FOCAD: variants seen among roughly 807,000 people sequenced by gnomAD.
FOCAD encodes focadhesin, also known as KIAA1797.
FOCAD carries 198 observed loss-of-function variants against 225.6 expected under a neutral mutation model. That is an observed-to-expected ratio of 0.88 (90% CI 0.78 to 0.99). The LOEUF (loss-of-function observed/expected upper bound fraction) is 0.99, where lower values mean the gene tolerates loss of function less well. Among genes scored for constraint, FOCAD ranks in the 50% least tolerant of loss-of-function variants. The pLI is 0.00. For missense variants in FOCAD, 2,713 were observed against 2,123.6 expected, an observed-to-expected ratio of 1.28 and a Z score of -5.46; for synonymous variants, 897 against 755.0, an observed-to-expected ratio of 1.19 and a Z score of -3.08.
intron 4 of FOCAD, among the ~76,000 whole-genome samples, chr9:20,721,606 G>GCGTGAGAATCACTTGAACC (rs1488346010): frequency 6.6e-6 from 1 of 151,962 alleles, no homozygotes; most frequent in Admixed American, 6.6e-5. Flanking sequence ...GGAGACTAAG[G>GCGTGAGAATCACTTGAACC]CGTGAGAATC....
rs1459282226 is a variant in FOCAD, at chr9:20,722,497, ATGTGCCTATG to A, written c.287+1968_287+1977del. Among the ~76,000 whole-genome samples the A allele has an allele frequency of 2.6e-5, 4 of 152,282 alleles. No homozygotes were observed. In the East Asian group the frequency reaches 7.7e-4, roughly 29 times the overall value. ...GCTGCGCTAATTGTTGTTTCACAGT[ATGTGCCTATG>A]TGTGTTATTTTTAAACCTGTATTTT... On this transcript the variant is annotated intron_variant, in intron 4 of 43. Transcript: ENST00000338382.
chr9:20,667,041 T>C (rs1821918929), intron 2 of FOCAD, among the ~76,000 whole-genome samples: 1 of 152,352 alleles, frequency 6.6e-6, no homozygotes, highest in Non-Finnish European at 1.5e-5. Context: ...AAATTTGAAG[T>C]CACTTTGTAT....
intron 19 of FOCAD, among the ~76,000 whole-genome samples, chr9:20,877,952 T>G (rs1445849377): frequency 6.6e-6 from 1 of 152,122 alleles, no homozygotes; most frequent in Non-Finnish European, 1.5e-5. Flanking sequence ...TACCACTCTT[T>G]ATGCAGTCAC....
At chr9:20,796,751 C>T (rs1264564275) in intron 11 of FOCAD, among the ~76,000 whole-genome samples, 1 of 152,012 alleles carries the variant, frequency 6.6e-6, no homozygotes, top group African/African-American at 2.4e-5. Flanking sequence ...AAATTTTTCT[C>T]CCATTCTGTA....
At chr9:20,835,141 A>G (rs990620781) in intron 15 of FOCAD, among the ~76,000 whole-genome samples, 1 of 152,072 alleles carries the variant, frequency 6.6e-6, no homozygotes, top group South Asian at 2.1e-4. Flanking sequence ...TACAATTAAG[A>G]TCTGTTCTTT....
At chr9:20,942,736 A>G (rs573465724) in intron 28 of FOCAD, among the ~76,000 whole-genome samples, 1 of 152,320 alleles carries the variant, frequency 6.6e-6, no homozygotes, top group South Asian at 2.1e-4. Flanking sequence ...TGGTAGGGAA[A>G]AAAACAGAAA....
At chr9:20,971,780 G>A (rs893186057) in intron 35 of FOCAD, among the ~76,000 whole-genome samples, 1 of 151,460 alleles carries the variant, frequency 6.6e-6, no homozygotes, top group African/African-American at 2.4e-5. Flanking sequence ...CCTATCCCCT[G>A]GTAACCACCA....
chr9:20,955,336 A>C (rs1334058199), intron 35 of FOCAD, among the ~76,000 whole-genome samples: 1 of 152,086 alleles, frequency 6.6e-6, no homozygotes, highest in Non-Finnish European at 1.5e-5. Flanking sequence ...GAATCTGTTA[A>C]TCTGTTTTCT....
At chr9:20,771,760 A>G (rs1005734531) in intron 8 of FOCAD, among the ~76,000 whole-genome samples, 1 of 152,208 alleles carries the variant, frequency 6.6e-6, no homozygotes, top group Non-Finnish European at 1.5e-5. Context: ...GTCTCAAAAT[A>G]CATAAATAAA....
At chr9:20,731,899 G>C (rs1237251570) in intron 4 of FOCAD, among the ~76,000 whole-genome samples, 1 of 152,170 alleles carries the variant, frequency 6.6e-6, no homozygotes, top group African/African-American at 2.4e-5. Context: ...TTACAGGTGT[G>C]AGCCACTATA....
At chr9:20,945,068 T>C (rs1837048364) in intron 29 of FOCAD, among the ~76,000 whole-genome samples, 1 of 152,230 alleles carries the variant, frequency 6.6e-6, no homozygotes, top group African/African-American at 2.4e-5. Flanking sequence ...TGGAAGAAGG[T>C]TAAATCGAGA....
chr9:20,705,946 TTTTTTTTA>T (rs1460532961), intron 1 of FOCAD, among the ~76,000 whole-genome samples: 2 of 135,132 alleles, frequency 1.5e-5, no homozygotes, highest in African/African-American at 6.8e-5. Context: ...TTTTTTTTTT[TTTTTTTTA>T]AACAGTGGCT....
intron 5 of FOCAD, among the ~76,000 whole-genome samples, chr9:20,750,175 G>A (rs1448272968): frequency 1.3e-5 from 2 of 152,102 alleles, no homozygotes; most frequent in African/African-American, 2.4e-5. Flanking sequence ...TGTTTATTCT[G>A]TCATTTGCAA....
chr9:20,927,036 AT>A (rs1835022972), intron 26 of FOCAD, among the ~76,000 whole-genome samples: 1 of 151,398 alleles, frequency 6.6e-6, no homozygotes, highest in Non-Finnish European at 1.5e-5. Flanking sequence ...ATATATATAT[AT>A]AAAAGAAATA....
At chr9:20,670,337 A>G (rs1822022543) in intron 2 of FOCAD, among the ~76,000 whole-genome samples, 1 of 152,220 alleles carries the variant, frequency 6.6e-6, no homozygotes, top group African/African-American at 2.4e-5. Flanking sequence ...TATCTCTTGA[A>G]TTAGTCTGTT....
At position 20,981,627 on chromosome 9, in the gene FOCAD, T is replaced by C. The variant is rs931954541; in HGVS notation, c.4579T>C (p.Trp1527Arg). The part of the protein sequence containing the change: ...MKLPSPAHHL[W>R]SLLSEATGKI... ...ACTGCCCAGCCCTGCCCACCACCTC[T>C]GGAGTCTGCTCTCTGAAGCTACTGG... Residue 1527 changes from tryptophan to arginine, a missense_variant, in exon 38 of 44, where the codon TGG becomes CGG. Transcript: ENST00000338382. 2.5e-6 allele frequency: 4 copies of C among 1,613,946 alleles called. No individual in the cohort carries two copies. The highest frequency in any genetic ancestry group is 2.7e-5 in the African/African-American group (2 of 74,928).
chr9:20,806,066 A>G (rs954400236), intron 11 of FOCAD, among the ~76,000 whole-genome samples: 1 of 152,166 alleles, frequency 6.6e-6, no homozygotes, highest in African/African-American at 2.4e-5. Context: ...GTACCCAGAC[A>G]TTTAGCATTT....
chr9:20,825,897 C>A (rs971256469), intron 15 of FOCAD, among the ~76,000 whole-genome samples: 10 of 152,010 alleles, frequency 6.6e-5, no homozygotes, highest in Middle Eastern at 3.2e-3. Context: ...TGCTACTTTG[C>A]TGAACAAACA....
chr9:20,723,975 C>A lies in FOCAD; in HGVS notation c.287+3441C>A, dbSNP rs139731289. Among the ~76,000 whole-genome samples, 427 of 151,986 alleles carry A rather than the reference C, an allele frequency of 2.8e-3. 1 individual carries two copies. The highest frequency in any genetic ancestry group is 9.9e-3 in the African/African-American group (410 of 41,468). On this transcript the variant is annotated intron_variant, in intron 4 of 43. Coordinates refer to ENST00000338382, the MANE Select transcript of FOCAD (RefSeq NM_001375567.1). ...CATGTCACATGGCAAGAGCCAGGAG[C>A]AAGAGAGAGAGGGGGAGGTCCAAGA...
Sources: gnomAD v4.1 joint callset for allele counts (sites outside exome capture counted in the v4.1 genomes callset) on GRCh38, gnomAD v4.1.1 for gene constraint, MANE v1.5 for transcripts, NCBI Gene and HGNC (gene_info 2026-07-23, HGNC 2026-07-21) for gene names.